Variants in RPP25 observed in about 807,000 individuals in gnomAD.
RPP25 encodes the protein ribonuclease P protein subunit p25.
RPP25 carries 2 observed loss-of-function variants against 4.4 expected under a neutral mutation model. The ratio of observed to expected loss-of-function variants is 0.45; its 90% CI spans 0.19 to 1.43. The LOEUF (loss-of-function observed/expected upper bound fraction) is 1.43, where lower values mean the gene tolerates loss of function less well. RPP25 is among the 40% of genes most tolerant of loss of function. The probability of loss-of-function intolerance (pLI) is 0.26; values close to 1 mark genes in which losing one functional copy is unlikely to be tolerated. For synonymous variants in RPP25, 144 were observed against 136.2 expected, an observed-to-expected ratio of 1.06 and a Z score of -0.40; for missense variants, 319 against 293.8, an observed-to-expected ratio of 1.09 and a Z score of -0.63.
rs772026558 is a variant in RPP25, at chr15:74,955,974, G to T, written c.*10C>A. 1.9e-5 allele frequency: 31 copies of T among 1,612,484 alleles called. No homozygotes were observed. In the African/African-American group the frequency reaches 3.6e-4, roughly 19 times the overall value. On this transcript the variant is annotated 3_prime_UTR_variant, in exon 1 of 1. Transcript: ENST00000322177. The stretch of plus-strand genomic sequence containing the variant: ...ATCCTGCCGGACTAGGTGGCCCACA[G>T]TCCGGAGTTTCAGGCCGTCTGATCC...
rs905984710 is a variant in RPP25 at position 74,956,735 on chromosome 15, G to C, written c.-152C>G. On this transcript the variant is annotated 5_prime_UTR_variant, in exon 1 of 1. Transcript: ENST00000322177. The stretch of plus-strand genomic sequence containing the variant: ...GGGCGGGCTGGGACGGCGCGATCTC[G>C]GCCCCACTTCTCTCGAGCGGGCGCC... The C allele has an allele frequency of 4.1e-5, 36 of 885,856 alleles. No individual in the cohort carries two copies. The highest frequency in any genetic ancestry group is 5.0e-5 in the Non-Finnish European group (33 of 655,664). 54.9% of individuals were successfully genotyped at this position (885,856 alleles called of 1,614,324 possible). A position where few individuals can be genotyped will look rare whatever the true frequency, so the allele number is the denominator to read the frequency against.
chr15:74,955,948 G>A lies in RPP25; in HGVS notation c.*36C>T. ...TCTGAAGGTGGAGGCGCTGGCGGAA[G>A]ATCCTGCCGGACTAGGTGGCCCACA... On this transcript the variant is annotated 3_prime_UTR_variant, in exon 1 of 1. Transcript: ENST00000322177. 1 of 1,610,588 alleles carries A rather than the reference G, an allele frequency of 6.2e-7. No homozygotes were observed. The highest frequency in any genetic ancestry group is 8.5e-7 in the Non-Finnish European group (1 of 1,179,240).
Position 74,956,234 on chromosome 15 carries a change from T to C in RPP25, c.350A>G (p.Gln117Arg). ...QSLPPGPTQG[Q>R]TPGEPAASLS... Reference sequence around the variant, plus strand: ...ACTAGCGGCCGGCTCGCCAGGCGTCTGACCCTGCGTGGGCCCAGGCGGGAG... The same window carrying C: ...ACTAGCGGCCGGCTCGCCAGGCGTCCGACCCTGCGTGGGCCCAGGCGGGAG... The change falls in exon 1 of 1, where the codon CAG (glutamine) becomes CGG (arginine). Residue 117 changes from glutamine to arginine, a missense_variant. Gln to Arg is a conservative substitution (Grantham distance 43). Transcript: ENST00000322177. 6.4e-7 allele frequency: 1 copy of C among 1,569,746 alleles called. No individual in the cohort carries two copies. Among genetic ancestry groups the C allele is most frequent in the Non-Finnish European group, 8.6e-7 (1 of 1,158,216 alleles).
In RPP25 at chr15:74,956,149, A is replaced by T. The variant is rs762473822; in HGVS notation, c.435T>A (p.Asp145Glu). 6 of 1,601,882 alleles carry T rather than the reference A, an allele frequency of 3.7e-6. No individual in the cohort carries two copies. The change falls in exon 1 of 1, where the codon GAT becomes GAA. Residue 145 changes from aspartate to glutamate, a missense_variant. Transcript: ENST00000322177. ...LAILLSKDAL[D>E]PRQPGYQPPN... ...GGGGCTGGTAGCCGGGCTGTCGCGGATCCAGCGCGTCCTTGGAAAGTAGGA... is the reference window on the plus strand; with the variant it reads ...GGGGCTGGTAGCCGGGCTGTCGCGGTTCCAGCGCGTCCTTGGAAAGTAGGA...
rs746318277 is a variant in RPP25, at chr15:74,956,480, G to A, written c.104C>T (p.Ala35Val). The A allele has an allele frequency of 6.4e-7, 1 of 1,551,492 alleles. No individual in the cohort carries two copies. Among genetic ancestry groups the A allele is most frequent in the South Asian group, 1.2e-5 (1 of 84,582 alleles). The part of the protein sequence containing the change: ...SGPFADLAPG[A>V]VHMRVKEGSK... ...GCCTTCCTTGACCCGCATGTGCACCGCGCCCGGCGCCAGGTCTGCGAAGGG... is the reference window on the plus strand; with the variant it reads ...GCCTTCCTTGACCCGCATGTGCACCACGCCCGGCGCCAGGTCTGCGAAGGG... Residue 35 changes from alanine to valine, a missense_variant, in exon 1 of 1, where the codon GCG becomes GTG. Transcript: ENST00000322177.
In RPP25 at chr15:74,955,854, A is replaced by G; in HGVS notation, c.*130T>C. On this transcript the variant is annotated 3_prime_UTR_variant, in exon 1 of 1. Coordinates refer to ENST00000322177, the MANE Select transcript of RPP25 (RefSeq NM_017793.3). Reference sequence around the variant, plus strand: ...CTCTTGTCGCCTTAAGGTCCATGCTACCTGTCTTGAGGAGCTGTGTCCAGG... The same window carrying G: ...CTCTTGTCGCCTTAAGGTCCATGCTGCCTGTCTTGAGGAGCTGTGTCCAGG... 7.7e-7 allele frequency: 1 copy of G among 1,301,784 alleles called. No individual in the cohort carries two copies. The highest frequency in any genetic ancestry group is 2.5e-5 in the East Asian group (1 of 39,480). The allele number at this position is 1,301,784 out of a possible 1,614,324, so 80.6% of individuals were successfully genotyped here.
In RPP25 at chr15:74,956,308, G is replaced by A. The variant is rs1356995329; in HGVS notation, c.276C>T (p.His92=). ...EILKRRLAGL[H]QVTRLRYRSV... is the part of the protein sequence containing the mutation. ...TCCGGTAGCGCAGCCGCGTGACCTG[G>A]TGCAGGCCCGCCAGGCGGCGCTTGA... Residue 92 remains histidine (H), a synonymous_variant, in exon 1 of 1, where the codon CAC becomes CAT. Transcript: ENST00000322177. The A allele has an allele frequency of 1.9e-6, 3 of 1,601,314 alleles. No homozygotes were observed. Among genetic ancestry groups the A allele is most frequent in the Non-Finnish European group, 8.5e-7 (1 of 1,177,930 alleles).
At position 74,955,892 on chromosome 15, in the gene RPP25, G is replaced by A. The variant is rs750975558; in HGVS notation, c.*92C>T. ...AGCTGTGTCCAGGTTGTGGGCTCCGGAGGACCGAGGAGTGAAAGGCTGGAG... is the reference window on the plus strand; with the variant it reads ...AGCTGTGTCCAGGTTGTGGGCTCCGAAGGACCGAGGAGTGAAAGGCTGGAG... On this transcript the variant is annotated 3_prime_UTR_variant, in exon 1 of 1. Coordinates refer to ENST00000322177, the MANE Select transcript of RPP25 (RefSeq NM_017793.3). 6.7e-5 allele frequency: 102 copies of A among 1,527,250 alleles called. No individual in the cohort carries two copies. The highest frequency in any genetic ancestry group is 8.0e-5 in the Non-Finnish European group (91 of 1,131,808). 94.6% of individuals were successfully genotyped at this position (1,527,250 alleles called of 1,614,324 possible). A position where few individuals can be genotyped will look rare whatever the true frequency, so the allele number is the denominator to read the frequency against.
Position 74,956,513 on chromosome 15 carries a change from C to T in RPP25, c.71G>A (p.Gly24Asp). The T allele has an allele frequency of 6.5e-7, 1 of 1,533,558 alleles. No individual in the cohort carries two copies. Among genetic ancestry groups the T allele is most frequent in the African/African-American group, 1.4e-5 (1 of 71,144 alleles). 95.0% of individuals were successfully genotyped at this position (1,533,558 alleles called of 1,614,324 possible). A position where few individuals can be genotyped will look rare whatever the true frequency, so the allele number is the denominator to read the frequency against. Residue 24 changes from glycine (G) to aspartate (D), a missense_variant, in exon 1 of 1, where the codon GGC becomes GAC. Coordinates refer to ENST00000322177, the MANE Select transcript of RPP25 (RefSeq NM_017793.3). ...AGCGAEGGGP[G>D]SGPFADLAPG... The stretch of plus-strand genomic sequence containing the variant: ...CGCCAGGTCTGCGAAGGGGCCGGAG[C>T]CCGGGCCGCCTCCCTCGGCCCCGCA...
At position 74,954,706 on chromosome 15, in the gene RPP25, A is replaced by G. The variant is rs2065460236; in HGVS notation, c.*1278T>C. The G allele has an allele frequency of 6.6e-6, 1 of 152,282 alleles. No homozygotes were observed. Among genetic ancestry groups the G allele is most frequent in the Admixed American group, 6.5e-5 (1 of 15,280 alleles). 9.4% of individuals were successfully genotyped at this position (152,282 alleles called of 1,614,324 possible). ...GGCAGCAGCTTATCAGGAGGCCTGC[A>G]GTGATTCACAGCCCAAGACCCAGCT... On this transcript the variant is annotated 3_prime_UTR_variant, in exon 1 of 1. Transcript: ENST00000322177.
rs143802990 is a variant in RPP25 at position 74,955,780 on chromosome 15, G to T, written c.*204C>A. 1.1e-3 allele frequency: 687 copies of T among 630,336 alleles called. 3 individuals carry two copies. The African/African-American group carries it at 0.012, about 11-fold the overall frequency. The allele number at this position is 630,336 out of a possible 1,614,324, so 39.0% of individuals were successfully genotyped here. A position where few individuals can be genotyped will look rare whatever the true frequency, so the allele number is the denominator to read the frequency against. Reference sequence around the variant, plus strand: ...GCATAAGCAGCAATTATCGCACGAAGTTTCCCTAGGGTGGTCGGGGATCCT... The same window carrying T: ...GCATAAGCAGCAATTATCGCACGAATTTTCCCTAGGGTGGTCGGGGATCCT... On this transcript the variant is annotated 3_prime_UTR_variant, in exon 1 of 1. Coordinates refer to ENST00000322177, the MANE Select transcript of RPP25 (RefSeq NM_017793.3).
At position 74,956,470 on chromosome 15, in the gene RPP25, C is replaced by T; in HGVS notation, c.114G>A (p.Met38Ile). The T allele has an allele frequency of 1.3e-6, 2 of 1,561,468 alleles. No individual in the cohort carries two copies. Among genetic ancestry groups the T allele is most frequent in the East Asian group, 4.8e-5 (2 of 41,712 alleles). Residue 38 changes from methionine to isoleucine, a missense_variant, in exon 1 of 1, where the codon ATG becomes ATA. By Grantham distance (10) the Met-to-Ile change is conservative. Coordinates refer to ENST00000322177, the MANE Select transcript of RPP25 (RefSeq NM_017793.3). ...GGATCTTGCTGCCTTCCTTGACCCG[C>T]ATGTGCACCGCGCCCGGCGCCAGGT... Reference protein sequence around the residue: ...FADLAPGAVHMRVKEGSKIRN... With the variant: ...FADLAPGAVHIRVKEGSKIRN...
In RPP25 at chr15:74,956,064, C is replaced by T. The variant is rs763363387; in HGVS notation, c.520G>A (p.Gly174Arg). Reference protein sequence around the residue: ...PAAPASKRSLGEPAAGEGSAK... With the variant: ...PAAPASKRSLREPAAGEGSAK... ...GAGCCTTCTCCAGCTGCGGGTTCCC[C>T]TAGGCTCCTCTTGGACGCTGGCGCG... is the stretch of plus-strand genomic sequence containing the variant. The change falls in exon 1 of 1, where the codon GGG (glycine) becomes AGG (arginine). Residue 174 changes from glycine to arginine, a missense_variant. Transcript: ENST00000322177. 3 of 1,611,006 alleles carry T rather than the reference C, an allele frequency of 1.9e-6. No individual in the cohort carries two copies. The East Asian group carries it at 6.7e-5, about 36-fold the overall frequency.
Position 74,955,381 on chromosome 15 carries a change from C to G in RPP25, c.*603G>C, listed in dbSNP as rs1384979137. ...GGGGAGGAGGCCTGGAGAGTTCAGT[C>G]CTGGGTCTCCCTCTGGGCCAGCAGG... On this transcript the variant is annotated 3_prime_UTR_variant, in exon 1 of 1. Coordinates refer to ENST00000322177, the MANE Select transcript of RPP25 (RefSeq NM_017793.3). The G allele has an allele frequency of 6.5e-6, 1 of 154,220 alleles. No individual in the cohort carries two copies. The highest frequency in any genetic ancestry group is 2.4e-5 in the African/African-American group (1 of 41,414). The allele number at this position is 154,220 out of a possible 1,614,324, so 9.6% of individuals were successfully genotyped here. A position where few individuals can be genotyped will look rare whatever the true frequency, so the allele number is the denominator to read the frequency against.
rs2065464605 is a variant in RPP25 at position 74,955,571 on chromosome 15, C to T, written c.*413G>A. 2 of 193,182 alleles carry T rather than the reference C, an allele frequency of 1.0e-5. No homozygotes were observed. Among genetic ancestry groups the T allele is most frequent in the Non-Finnish European group, 2.2e-5 (2 of 92,568 alleles). The allele number at this position is 193,182 out of a possible 1,614,324, so 12.0% of individuals were successfully genotyped here. A position where few individuals can be genotyped will look rare whatever the true frequency, so the allele number is the denominator to read the frequency against. ...GTTAATTCTCACCCCCTGCCTTCCTCTGTCAACGGTGGGGGTGATTCCAAT... is the reference window on the plus strand; with the variant it reads ...GTTAATTCTCACCCCCTGCCTTCCTTTGTCAACGGTGGGGGTGATTCCAAT... On this transcript the variant is annotated 3_prime_UTR_variant, in exon 1 of 1. Transcript: ENST00000322177.
In RPP25 at chr15:74,956,271, C is replaced by A; in HGVS notation, c.313G>T (p.Val105Leu). Reference sequence around the variant, plus strand: ...GGCCCAGGCGGGAGGCTCTGCCACACCTCGCGTACGCTCCGGTAGCGCAGC... The same window carrying A: ...GGCCCAGGCGGGAGGCTCTGCCACAACTCGCGTACGCTCCGGTAGCGCAGC... ...TRLRYRSVRE[V>L]WQSLPPGPTQ... Residue 105 changes from valine (V) to leucine (L), a missense_variant, in exon 1 of 1, where the codon GTG becomes TTG. By Grantham distance (32) the Val-to-Leu change is conservative. Transcript: ENST00000322177. The A allele has an allele frequency of 6.3e-7, 1 of 1,590,556 alleles. No individual in the cohort carries two copies. Among genetic ancestry groups the A allele is most frequent in the Non-Finnish European group, 8.5e-7 (1 of 1,170,746 alleles).
In RPP25 at chr15:74,956,087, G is replaced by A. The variant is rs1203943359; in HGVS notation, c.497C>T (p.Ala166Val). 3 of 1,610,354 alleles carry A rather than the reference G, an allele frequency of 1.9e-6. No homozygotes were observed. The highest frequency in any genetic ancestry group is 2.5e-6 in the Non-Finnish European group (3 of 1,179,106). Residue 166 changes from alanine to valine, a missense_variant, in exon 1 of 1, where the codon GCG (alanine) becomes GTG (valine). Physicochemically the swap from Ala to Val is moderately conservative, Grantham distance 64. Coordinates refer to ENST00000322177, the MANE Select transcript of RPP25 (RefSeq NM_017793.3). ...CCCTAGGCTCCTCTTGGACGCTGGC[G>A]CGGCTGGCGGGGACGAGGGACCAGG... ...PHPGPSSPPAAPASKRSLGEP... is the reference protein window; with the variant it reads ...PHPGPSSPPAVPASKRSLGEP...
In RPP25 at chr15:74,956,483, C is replaced by A; in HGVS notation, c.101G>T (p.Gly34Val). 1 of 1,551,078 alleles carries A rather than the reference C, an allele frequency of 6.4e-7. No individual in the cohort carries two copies. The highest frequency in any genetic ancestry group is 8.7e-7 in the Non-Finnish European group (1 of 1,151,388). Residue 34 changes from glycine to valine, a missense_variant, in exon 1 of 1, where the codon GGC becomes GTC. Gly to Val is a moderately radical substitution (Grantham distance 109, BLOSUM62 -3). Transcript: ENST00000322177. ...TTCCTTGACCCGCATGTGCACCGCG[C>A]CCGGCGCCAGGTCTGCGAAGGGGCC... ...GSGPFADLAP[G>V]AVHMRVKEGS...
In RPP25 at chr15:74,956,015, G is replaced by T; in HGVS notation, c.569C>A (p.Pro190Gln). Residue 190 changes from proline (P) to glutamine (Q), a missense_variant, in exon 1 of 1, where the codon CCA (proline) becomes CAA (glutamine). Physicochemically the swap from Pro to Gln is moderately conservative, Grantham distance 76. Coordinates refer to ENST00000322177, the MANE Select transcript of RPP25 (RefSeq NM_017793.3). ...CGTCTGATCCTCGTCCGCAACCCCT[G>T]GCTCGGGTTGCGATCGCTTCGCGGA... ...EGSAKRSQPE[P>Q]GVADEDQTA 6.2e-7 allele frequency: 1 copy of T among 1,612,546 alleles called. No homozygotes were observed.
Sources: gnomAD v4.1 joint callset for allele counts on GRCh38, gnomAD v4.1.1 for gene constraint, MANE v1.5 for transcripts, NCBI Gene and HGNC (gene_info 2026-07-23, HGNC 2026-07-21) for gene names.